The following ASIC2 variants were observed in gnomAD, a reference collection of about 807,000 sequenced individuals.
ASIC2 encodes acid sensing ion channel subunit 2, also known as acid-sensing ion channel 2.
ASIC2 carries 25 observed loss-of-function variants against 57.3 expected under a neutral mutation model. The observed-to-expected ratio is 0.44, with a 90% CI of 0.32 to 0.61. The LOEUF (loss-of-function observed/expected upper bound fraction) is 0.61. ASIC2 is among the 20% of genes least tolerant of loss of function. The pLI is 0.06. For synonymous variants in ASIC2, 319 were observed against 307.5 expected (o/e 1.04, Z -0.39); for missense variants, 641 against 738.1 (o/e 0.87, Z 1.52).
intron 4 of ASIC2, among the ~76,000 whole-genome samples, chr17:33,026,438 T>TA (rs2091859607): frequency 6.6e-6 from 1 of 152,226 alleles, no homozygotes; most frequent in Non-Finnish European, 1.5e-5. Context: ...TTAAGCATCC[T>TA]GCCTTCCCAG....
At chr17:33,130,149 G>A (rs1400225237) in intron 1 of ASIC2, among the ~76,000 whole-genome samples, 2 of 152,174 alleles carry the variant, frequency 1.3e-5, no homozygotes, top group Non-Finnish European at 2.9e-5. Flanking sequence ...CTTCTCTACT[G>A]AGGTTAATAG....
chr17:33,896,860 GT>G (rs1459885969), intron 1 of ASIC2, among the ~76,000 whole-genome samples: 2 of 152,132 alleles, frequency 1.3e-5, no homozygotes, highest in African/African-American at 4.8e-5. Flanking sequence ...TGTGTGTATG[GT>G]TCCCCCCAGG....
At chr17:33,635,494 T>A (rs563339355) in intron 1 of ASIC2, among the ~76,000 whole-genome samples, 1 of 152,328 alleles carries the variant, frequency 6.6e-6, no homozygotes, top group South Asian at 2.1e-4. Flanking sequence ...TTAGGGGACA[T>A]AAGCACATCA....
intron 1 of ASIC2, among the ~76,000 whole-genome samples, chr17:33,315,596 C>G (rs765014445): frequency 2.4e-4 from 37 of 152,298 alleles, no homozygotes; most frequent in Middle Eastern, 3.4e-3. Flanking sequence ...TTAAATGATT[C>G]TCATTATCTG....
At chr17:33,192,594 T>A (rs1275613653) in intron 1 of ASIC2, among the ~76,000 whole-genome samples, 1 of 152,158 alleles carries the variant, frequency 6.6e-6, no homozygotes, top group Non-Finnish European at 1.5e-5. Context: ...CCTCCTAACG[T>A]CAGCCATTCA....
At chr17:33,151,436 T>C (rs567217154) in intron 1 of ASIC2, among the ~76,000 whole-genome samples, 6 of 136,894 alleles carry the variant, frequency 4.4e-5, no homozygotes, top group Admixed American at 4.2e-4. Context: ...TGCCACTGAC[T>C]CCTACGTGAC....
At chr17:34,039,966 C>T in intron 1 of ASIC2, 5 of 1,115,734 alleles carry the variant, frequency 4.5e-6, no homozygotes, top group South Asian at 2.6e-5. Flanking sequence ...TCCCCCTGGG[C>T]AGGCCCGGGG....
chr17:33,049,116 C>A (rs1305881748), intron 3 of ASIC2, among the ~76,000 whole-genome samples: 9 of 152,204 alleles, frequency 5.9e-5, no homozygotes, highest in African/African-American at 1.9e-4. Context: ...GATTCTAATT[C>A]TCAGCTGTCC....
chr17:34,079,976 G>A (rs1485021770), intron 1 of ASIC2, among the ~76,000 whole-genome samples: 1 of 74,704 alleles, frequency 1.3e-5, no homozygotes, highest in Non-Finnish European at 2.8e-5. Flanking sequence ...TTGCATGTAG[G>A]GTAAGATAGG....
intron 1 of ASIC2, among the ~76,000 whole-genome samples, chr17:33,482,323 T>C (rs1384469250): frequency 6.6e-6 from 1 of 152,236 alleles, no homozygotes; most frequent in Non-Finnish European, 1.5e-5. Context: ...CAAAAACCCA[T>C]GCTGTTCCCT....
intron 1 of ASIC2, among the ~76,000 whole-genome samples, chr17:33,615,358 TAAGTCCCCTG>T (rs1296612121): frequency 6.6e-6 from 1 of 152,194 alleles, no homozygotes; most frequent in Non-Finnish European, 1.5e-5. Context: ...AAAAATCTAT[TAAGTCCCCTG>T]TGCCCCACCC....
intron 3 of ASIC2, among the ~76,000 whole-genome samples, chr17:33,041,510 G>A (rs2091929720): frequency 2.0e-5 from 3 of 152,160 alleles, no homozygotes; most frequent in Admixed American, 6.5e-5. Context: ...ATGAATGAGC[G>A]AGCAAATGAA....
intron 1 of ASIC2, among the ~76,000 whole-genome samples, chr17:33,832,829 T>G (rs1016294303): frequency 1.3e-5 from 2 of 152,238 alleles, no homozygotes; most frequent in Non-Finnish European, 1.5e-5. Flanking sequence ...CAGGTTTCTA[T>G]GCAGGCCCTT....
chr17:34,026,123 G>A (rs116188542), intron 1 of ASIC2, among the ~76,000 whole-genome samples: 2,044 of 152,300 alleles, frequency 0.013, 52 homozygotes, highest in African/African-American at 0.047. Flanking sequence ...CTACGGTTGT[G>A]CAATTATTGG....
rs866365892 is a variant in ASIC2 at position 33,799,407 on chromosome 17, C to T, written c.555+356571G>A. Among the ~76,000 whole-genome samples the T allele has an allele frequency of 5.6e-3, 272 of 48,678 alleles. 3 individuals carry two copies. The highest frequency in any genetic ancestry group is 0.018 in the African/African-American group (223 of 12,124). The allele number at this position is 48,678 out of a possible 152,430, so 31.9% of individuals were successfully genotyped here. A position where few individuals can be genotyped will look rare whatever the true frequency, so the allele number is the denominator to read the frequency against. On this transcript the variant is annotated intron_variant, in intron 1 of 9. Coordinates refer to the ASIC2 transcript ENST00000359872. The stretch of plus-strand genomic sequence containing the variant: ...CTTTCTTTCTTTCTTTCTTTCTTTT[C>T]TTTCTTTCTTTCTTTCTTTCTTCTT...
intron 1 of ASIC2, among the ~76,000 whole-genome samples, chr17:33,987,367 AC>A (rs1315234004): frequency 1.3e-5 from 2 of 152,106 alleles, no homozygotes; most frequent in Non-Finnish European, 2.9e-5. Flanking sequence ...ATATATGAGA[AC>A]CCTTTTATGG....
intron 3 of ASIC2, among the ~76,000 whole-genome samples, chr17:33,055,183 G>A (rs530247617): frequency 6.6e-5 from 10 of 152,206 alleles, no homozygotes; most frequent in Non-Finnish European, 1.3e-4. Context: ...GTTATGATTC[G>A]GGCAACCCCT....
At chr17:33,174,452 CCATT>C (rs925594003) in intron 1 of ASIC2, among the ~76,000 whole-genome samples, 6 of 151,894 alleles carry the variant, frequency 4.0e-5, no homozygotes, top group African/African-American at 1.5e-4. Context: ...GTGTATCCAT[CCATT>C]CATTCATTCA....
At chr17:33,066,276 G>A (rs1056187983) in intron 3 of ASIC2, among the ~76,000 whole-genome samples, 5 of 152,190 alleles carry the variant, frequency 3.3e-5, no homozygotes, top group African/African-American at 1.2e-4. Context: ...TTTAAAAACT[G>A]TGATACCTGG....
Sources: allele counts gnomAD v4.1 joint callset (sites outside exome capture counted in the v4.1 genomes callset), GRCh38; gene constraint gnomAD v4.1.1; transcripts MANE v1.5; gene names NCBI Gene and HGNC (gene_info 2026-07-23, HGNC 2026-07-21).